Variants in TENM1 observed in about 807,000 individuals in gnomAD.
The protein encoded by TENM1 is teneurin transmembrane protein 1.
A neutral mutation model predicts 174.8 loss-of-function variants in TENM1; 35 were observed. The ratio of observed to expected loss-of-function variants is 0.20; its 90% CI spans 0.15 to 0.27. TENM1 has a LOEUF of 0.27. TENM1 is among the 10% of genes least tolerant of loss of function. The probability of loss-of-function intolerance (pLI) is 1.00; values close to 1 mark genes in which losing one functional copy is unlikely to be tolerated. For synonymous variants in TENM1, 781 were observed against 798.7 expected (o/e 0.98, Z 0.37); for missense variants, 1,633 against 2,130.1 (o/e 0.77, Z 4.59).
At chrX:124,612,831 CATCT>C (rs1180353021) in intron 11 of TENM1, among the ~76,000 whole-genome samples, 3 of 110,557 alleles carry the variant, frequency 2.7e-5, no homozygotes, top group African/African-American at 6.6e-5. Flanking sequence ...TATCATTGAT[CATCT>C]ATCTATCATC....
chrX:124,855,523 T>G (rs1365625622), intron 3 of TENM1, among the ~76,000 whole-genome samples: 1 of 111,403 alleles, frequency 9.0e-6, no homozygotes, highest in Non-Finnish European at 1.9e-5. Flanking sequence ...TAAAAAAGAA[T>G]AGCATTTGAA....
chrX:124,776,233 G>T (rs1257275075), intron 3 of TENM1, among the ~76,000 whole-genome samples: 1 of 111,777 alleles, frequency 8.9e-6, no homozygotes, highest in Non-Finnish European at 1.9e-5. Flanking sequence ...ATGAGAGGAT[G>T]TACTTCAGGA....
exon 32 of TENM1, chrX:124,376,639 AG>A: frequency 8.9e-6 from 1 of 112,471 alleles, no homozygotes; most frequent in East Asian, 2.8e-4. Context: ...GGTCCTTAAT[AG>A]CTTTCACATG....
the TENM1 span, among the ~76,000 whole-genome samples, chrX:125,194,985 G>A: frequency 8.9e-6 from 1 of 112,269 alleles, no homozygotes; most frequent in African/African-American, 3.2e-5. Flanking sequence ...ACCGGAGTAT[G>A]CTTATATATC....
chrX:124,453,679 A>G (rs1263040203), intron 22 of TENM1, among the ~76,000 whole-genome samples, 188 bp from the exon 26 acceptor site: 1 of 112,059 alleles, frequency 8.9e-6, no homozygotes, highest in East Asian at 2.8e-4. Context: ...TTGTGTATTG[A>G]GAAGAAATGA....
At chrX:125,125,334 T>C in the TENM1 span, among the ~76,000 whole-genome samples, 2 of 112,267 alleles carry the variant, frequency 1.8e-5, no homozygotes, top group South Asian at 3.7e-4. Flanking sequence ...AATCCAAATA[T>C]GATTTTTAAA....
rs1483929730 is a variant in TENM1, at chrX:124,712,484, CTTTTTTGT to C, written c.777-7241_777-7234del. 3.6e-5 allele frequency among the ~76,000 whole-genome samples: 4 copies of C among 109,777 alleles called. No homozygotes were observed. The East Asian group carries it at 8.6e-4, about 23-fold the overall frequency. On this transcript the variant is annotated intron_variant, in intron 4 of 31. Coordinates refer to ENST00000422452, the Ensembl canonical transcript of TENM1. ...ACATCTTTTCTTTTCTTTTCTTTTT[CTTTTTTGT>C]TTTTTTGGAGACAGAGTTTTGTTCT...
chrX:124,382,709 T>C (rs1335638133), exon 31 of TENM1: 4 of 1,206,150 alleles, frequency 3.3e-6, no homozygotes, highest in African/African-American at 3.5e-5. Flanking sequence ...TCTGAAGCCG[T>C]AGAAGCTCGT....
At chrX:124,705,987 C>A (rs1333189509) in intron 4 of TENM1, among the ~76,000 whole-genome samples, 2 of 111,912 alleles carry the variant, frequency 1.8e-5, no homozygotes, top group East Asian at 5.6e-4. Context: ...CTCACTGCAA[C>A]CTCCATCTCC....
At chrX:125,194,172 T>C in the TENM1 span, among the ~76,000 whole-genome samples, 7 of 111,298 alleles carry the variant, frequency 6.3e-5, no homozygotes, top group African/African-American at 2.3e-4. Context: ...CTGACTGCAT[T>C]ATCCCCACTG....
chrX:124,959,143 T>C (rs774666570), intron 1 of TENM1, among the ~76,000 whole-genome samples: 1 of 111,544 alleles, frequency 9.0e-6, no homozygotes, highest in South Asian at 3.8e-4. Flanking sequence ...TTAAAAACAT[T>C]TTTTTCTGAC....
intron 11 of TENM1, among the ~76,000 whole-genome samples, chrX:124,633,249 T>TTACTG (rs2050801824): frequency 8.9e-6 from 1 of 112,470 alleles, no homozygotes; most frequent in Non-Finnish European, 1.9e-5. Context: ...AAATGGATTC[T>TTACTG]TACTGTACTG....
At chrX:124,517,614 G>A (rs2047738240) in intron 18 of TENM1, among the ~76,000 whole-genome samples, 1 of 91,285 alleles carries the variant, frequency 1.1e-5, no homozygotes, top group South Asian at 6.7e-4. Flanking sequence ...ATTGAATAAT[G>A]AGAACACTTG....
intron 1 of TENM1, among the ~76,000 whole-genome samples, chrX:124,903,778 G>T (rs561034095): frequency 2.7e-4 from 30 of 111,971 alleles, no homozygotes; most frequent in African/African-American, 9.4e-4. Context: ...CAGAAATTTA[G>T]ATCAATGAGA....
intron 23 of TENM1, among the ~76,000 whole-genome samples, chrX:124,424,587 G>A (rs1320146501): frequency 9.0e-6 from 1 of 111,249 alleles, no homozygotes; most frequent in African/African-American, 3.3e-5. Context: ...ATCTTTCTGT[G>A]CCTGGCTTAT....
At chrX:124,433,716 C>T (rs1276801243) in intron 23 of TENM1, among the ~76,000 whole-genome samples, 1 of 112,324 alleles carries the variant, frequency 8.9e-6, no homozygotes, top group Non-Finnish European at 1.9e-5. Flanking sequence ...CTAAGAAAAA[C>T]TATTTCTCAT....
chrX:125,186,163 TA>T, the TENM1 span, among the ~76,000 whole-genome samples: 1 of 111,239 alleles, frequency 9.0e-6, no homozygotes, highest in Admixed American at 9.5e-5. Context: ...TTACAATTTA[TA>T]AAAAAAATCA....
At chrX:124,796,854 A>G (rs182174741) in intron 3 of TENM1, among the ~76,000 whole-genome samples, 2 of 111,708 alleles carry the variant, frequency 1.8e-5, no homozygotes, top group East Asian at 2.8e-4. Flanking sequence ...TAGATTGTGA[A>G]TGATAATTAT....
intron 11 of TENM1, among the ~76,000 whole-genome samples, chrX:124,615,973 A>G (rs73558351): frequency 0.015 from 1,693 of 112,716 alleles, 28 homozygotes; most frequent in African/African-American, 0.052. Flanking sequence ...ACACACACAC[A>G]CAAAAACTGT....
Sources: allele counts gnomAD v4.1 joint callset (sites outside exome capture counted in the v4.1 genomes callset), GRCh38; gene constraint gnomAD v4.1.1; transcripts MANE v1.5; gene names NCBI Gene and HGNC (gene_info 2026-07-23, HGNC 2026-07-21).